CADPS: variants seen among roughly 807,000 people sequenced by gnomAD.
CADPS encodes calcium dependent secretion activator.
CADPS carries 57 observed loss-of-function variants against 167.3 expected under a neutral mutation model. The observed-to-expected ratio is 0.34, with a 90% CI of 0.28 to 0.42. The LOEUF (loss-of-function observed/expected upper bound fraction) is 0.42. Ranked by LOEUF, CADPS falls within the 20% of genes least tolerant of loss-of-function variation. The pLI, the probability that CADPS is intolerant of heterozygous loss-of-function variation, is 1.00. For synonymous variants in CADPS, 676 were observed against 635.3 expected (o/e 1.06, Z -0.96); for missense variants, 1,414 against 1,738.1 (o/e 0.81, Z 3.32).
At chr3:62,462,280 A>G (rs183052325) in intron 26 of CADPS, among the ~76,000 whole-genome samples, 1 of 152,358 alleles carries the variant, frequency 6.6e-6, no homozygotes, top group Non-Finnish European at 1.5e-5. Flanking sequence ...GAGGGAGGAG[A>G]GGAGGGTGCG....
At chr3:62,646,234 G>A (rs564454081) in intron 5 of CADPS, among the ~76,000 whole-genome samples, 4 of 147,546 alleles carry the variant, frequency 2.7e-5, no homozygotes, top group Non-Finnish European at 4.4e-5. Flanking sequence ...GCGTGATCTC[G>A]GCTCACTGCA....
At chr3:62,592,907 G>A (rs867201422) in intron 6 of CADPS, among the ~76,000 whole-genome samples, 159 bp from the exon 7 acceptor site, 3 of 152,170 alleles carry the variant, frequency 2.0e-5, no homozygotes, top group Admixed American at 1.3e-4. Flanking sequence ...AGTAACAAAC[G>A]TGTTAATTAA....
intron 3 of CADPS, among the ~76,000 whole-genome samples, chr3:62,734,500 C>T (rs545504772): frequency 1.3e-5 from 2 of 152,220 alleles, no homozygotes; most frequent in African/African-American, 4.8e-5. Flanking sequence ...ATTCTGATTT[C>T]TATTGCCATA....
At chr3:62,836,416 C>T (rs7650464) in intron 1 of CADPS, among the ~76,000 whole-genome samples, 32,824 of 151,978 alleles carry the variant, frequency 0.22, 3,845 homozygotes, top group Middle Eastern at 0.37. Flanking sequence ...AAAAATAAGA[C>T]AGGGAGAAAA....
intron 6 of CADPS, among the ~76,000 whole-genome samples, chr3:62,600,575 C>A (rs1326537134): frequency 1.3e-5 from 2 of 152,194 alleles, no homozygotes; most frequent in Admixed American, 1.3e-4. Context: ...GAGGCTCTAA[C>A]TTTCACTGCT....
At chr3:62,565,916 T>C (rs1207719378) in intron 9 of CADPS, among the ~76,000 whole-genome samples, 1 of 152,212 alleles carries the variant, frequency 6.6e-6, no homozygotes, top group Non-Finnish European at 1.5e-5. Flanking sequence ...AAGTAGACTC[T>C]GTGTGTATGT....
At chr3:62,803,246 C>A (rs1013666475) in intron 1 of CADPS, among the ~76,000 whole-genome samples, 2 of 151,950 alleles carry the variant, frequency 1.3e-5, no homozygotes, top group Admixed American at 1.3e-4. Flanking sequence ...GACGAATGAT[C>A]CTTGAAAACA....
At chr3:62,582,873 C>T (rs1362545563) in intron 8 of CADPS, among the ~76,000 whole-genome samples, 2 of 152,134 alleles carry the variant, frequency 1.3e-5, no homozygotes, top group African/African-American at 4.8e-5. Flanking sequence ...CAAAAATTCC[C>T]CAATCCAAAT....
chr3:62,613,539 CATA>C (rs1472941817), intron 6 of CADPS, among the ~76,000 whole-genome samples: 1 of 152,190 alleles, frequency 6.6e-6, no homozygotes, highest in African/African-American at 2.4e-5. Context: ...GGCCACAGCA[CATA>C]ATATTTCCCA....
At chr3:62,855,662 G>T (rs2079533164) in intron 1 of CADPS, among the ~76,000 whole-genome samples, 1 of 152,122 alleles carries the variant, frequency 6.6e-6, no homozygotes, top group Non-Finnish European at 1.5e-5. Flanking sequence ...AACGTAAGTT[G>T]TCAAATGTCT....
chr3:62,639,737 T>TTAAA (rs1472039730), intron 6 of CADPS, among the ~76,000 whole-genome samples: 6 of 152,158 alleles, frequency 3.9e-5, no homozygotes, highest in Non-Finnish European at 7.3e-5. Context: ...GGAATAAAGT[T>TTAAA]TAAACCCTTT....
At chr3:62,864,159 G>C (rs1337548680) in intron 1 of CADPS, among the ~76,000 whole-genome samples, 2 of 152,220 alleles carry the variant, frequency 1.3e-5, no homozygotes, top group African/African-American at 2.4e-5. Flanking sequence ...TTACATTCTA[G>C]TCCAAGCTCT....
chr3:62,400,935 A>G (rs148193366), intron 29 of CADPS, among the ~76,000 whole-genome samples: 12 of 152,296 alleles, frequency 7.9e-5, no homozygotes, highest in African/African-American at 2.4e-4. Context: ...TAATGCGGTC[A>G]TGATAGCAAC....
At chr3:62,583,189 T>TCTCTC (rs1578216160) in intron 8 of CADPS, among the ~76,000 whole-genome samples, 2 of 81,180 alleles carry the variant, frequency 2.5e-5, no homozygotes, top group Non-Finnish European at 6.1e-5. Flanking sequence ...CTCTCTCTCT[T>TCTCTC]TCTACGTCTG....
At position 62,398,913 on chromosome 3, in the gene CADPS, T is replaced by C. The variant is rs1240554306; in HGVS notation, c.*493A>G. The stretch of plus-strand genomic sequence containing the variant: ...AACAGAAAGCATCAAAAGTTAATTG[T>C]TGGAGACTTGCCTTTTGTTTTTCAA... On this transcript the variant is annotated 3_prime_UTR_variant, in exon 30 of 30. Coordinates refer to ENST00000383710, the MANE Select transcript of CADPS (RefSeq NM_003716.4). 1 of 152,374 alleles carries C rather than the reference T, an allele frequency of 6.6e-6. No individual in the cohort carries two copies. Among genetic ancestry groups the C allele is most frequent in the Non-Finnish European group, 1.5e-5 (1 of 68,130 alleles). 9.4% of individuals were successfully genotyped at this position (152,374 alleles called of 1,614,324 possible).
At chr3:62,569,769 A>T (rs1447079058) in intron 9 of CADPS, among the ~76,000 whole-genome samples, 1 of 152,224 alleles carries the variant, frequency 6.6e-6, no homozygotes, top group Non-Finnish European at 1.5e-5. Flanking sequence ...CACTTTGTGA[A>T]ATCTTTCAGA....
intron 1 of CADPS, among the ~76,000 whole-genome samples, chr3:62,834,178 A>G (rs2075560186): frequency 6.6e-6 from 1 of 152,166 alleles, no homozygotes; most frequent in Non-Finnish European, 1.5e-5. Flanking sequence ...TTCAGACCCC[A>G]TACAACATGA....
chr3:62,427,317 G>A (rs1217730471), intron 28 of CADPS, among the ~76,000 whole-genome samples: 2 of 152,048 alleles, frequency 1.3e-5, no homozygotes, highest in South Asian at 2.1e-4. Flanking sequence ...ACGAGTTCCC[G>A]AGATATCTAC....
intron 3 of CADPS, among the ~76,000 whole-genome samples, chr3:62,746,282 A>G (rs1025473402): frequency 1.3e-5 from 2 of 152,178 alleles, no homozygotes; most frequent in African/African-American, 2.4e-5. Flanking sequence ...AGTTGACTCT[A>G]AATTAATCTA....
Sources: allele counts gnomAD v4.1 joint callset (sites outside exome capture counted in the v4.1 genomes callset), GRCh38; gene constraint gnomAD v4.1.1; transcripts MANE v1.5; gene names NCBI Gene and HGNC (gene_info 2026-07-23, HGNC 2026-07-21).